The following NCR1 variants were observed in gnomAD, a reference collection of about 807,000 sequenced individuals.
The protein encoded by NCR1 is NK cell-activating receptor.
A neutral mutation model predicts 32.5 loss-of-function variants in NCR1; 30 were observed. That is an observed-to-expected ratio of 0.92 (90% CI 0.69 to 1.25). The LOEUF (loss-of-function observed/expected upper bound fraction) is 1.25, where lower values mean the gene tolerates loss of function less well. NCR1 is among the 50% of genes most tolerant of loss of function. The probability of loss-of-function intolerance (pLI) is 0.00; values close to 1 mark genes in which losing one functional copy is unlikely to be tolerated. For missense variants in NCR1, 369 were observed against 380.7 expected (o/e 0.97, Z 0.26); for synonymous variants, 169 against 143.4 (o/e 1.18, Z -1.28).
chr19:54,931,239 T>G, the NCR1 span, among the ~76,000 whole-genome samples: 1 of 152,002 alleles, frequency 6.6e-6, no homozygotes, highest in Admixed American at 6.6e-5. Flanking sequence ...CTGGCCAACA[T>G]GGTGAAACCC....
intron 5 of NCR1, 133 bp downstream of exon 5, chr19:54,910,198 A>T: frequency 1.2e-6 from 1 of 840,556 alleles, no homozygotes; most frequent in Non-Finnish European, 1.9e-6. Flanking sequence ...GCACTTTGGG[A>T]GGCCGAGATG....
At chr19:54,936,729 A>C in the NCR1 span, among the ~76,000 whole-genome samples, 1 of 152,170 alleles carries the variant, frequency 6.6e-6, no homozygotes, top group Non-Finnish European at 1.5e-5. Flanking sequence ...AGCCTGGCCA[A>C]CATGGGGAAG....
chr19:54,905,222 C>G (rs1000502368), upstream of NCR1, among the ~76,000 whole-genome samples: 4 of 152,206 alleles, frequency 2.6e-5, no homozygotes, highest in Non-Finnish European at 5.9e-5. Context: ...TAAGTGTCCC[C>G]TTTGCTCCAC....
chr19:54,906,380 C>G (rs751733407), intron 2 of NCR1, 46 bp downstream of exon 2: 2 of 1,608,540 alleles, frequency 1.2e-6, no homozygotes, highest in South Asian at 2.2e-5. Flanking sequence ...CGGATTCAGG[C>G]CAAGCTCCTT....
At chr19:54,917,581 A>C (rs148133947), downstream of NCR1, among the ~76,000 whole-genome samples, 23 of 152,230 alleles carry the variant, frequency 1.5e-4, no homozygotes, top group African/African-American at 5.3e-4. Flanking sequence ...TTGGCCTCCC[A>C]AAGTGCGAGG....
At chr19:54,907,636 G>C (rs1269416210) in intron 3 of NCR1, among the ~76,000 whole-genome samples, 2 of 151,898 alleles carry the variant, frequency 1.3e-5, no homozygotes, top group African/African-American at 4.8e-5. Flanking sequence ...GTGCTAGGAA[G>C]GCTATGATGT....
At chr19:54,902,619 C>T (rs2067319771), upstream of NCR1, among the ~76,000 whole-genome samples, 1 of 151,988 alleles carries the variant, frequency 6.6e-6, no homozygotes, top group African/African-American at 2.4e-5. Flanking sequence ...AAATTAAAAG[C>T]TCAAAATAAT....
At chr19:54,927,442 G>A in the NCR1 span, among the ~76,000 whole-genome samples, 1 of 151,738 alleles carries the variant, frequency 6.6e-6, no homozygotes, top group African/African-American at 2.4e-5. Flanking sequence ...TCTAGGCCCA[G>A]CTACTCATGA....
the NCR1 span, among the ~76,000 whole-genome samples, chr19:54,933,319 G>A: frequency 6.6e-6 from 1 of 151,836 alleles, no homozygotes; most frequent in East Asian, 1.9e-4. Flanking sequence ...CTAATTTTTG[G>A]TATTTTTAGT....
At position 54,912,997 on chromosome 19, in the gene NCR1, T is replaced by C. The variant is rs1380587175; in HGVS notation, c.*126T>C. On this transcript the variant is annotated 3_prime_UTR_variant, in exon 7 of 7. Coordinates refer to ENST00000291890, the MANE Select transcript of NCR1 (RefSeq NM_004829.7). ...TGCAGGGAAAGAGGGACACTGGCAT[T>C]CCATTTGTCAGAGCATCCCGGACGA... is the stretch of plus-strand genomic sequence containing the variant. 11 of 859,538 alleles carry C rather than the reference T, an allele frequency of 1.3e-5. No homozygotes were observed. Among genetic ancestry groups the C allele is most frequent in the Non-Finnish European group, 1.8e-6 (1 of 569,134 alleles). The allele number at this position is 859,538 out of a possible 1,614,324, so 53.2% of individuals were successfully genotyped here. A position where few individuals can be genotyped will look rare whatever the true frequency, so the allele number is the denominator to read the frequency against.
chr19:54,936,574 C>T, the NCR1 span: 1 of 750,558 alleles, frequency 1.3e-6, no homozygotes. Flanking sequence ...GTAACCCCAG[C>T]ACTTTGGGAG....
upstream of NCR1, among the ~76,000 whole-genome samples, chr19:54,905,031 G>A (rs1712736184): frequency 6.6e-6 from 1 of 152,170 alleles, no homozygotes; most frequent in Admixed American, 6.6e-5. Context: ...TGTGAATCCT[G>A]CTGCAATGAA....
downstream of NCR1, among the ~76,000 whole-genome samples, chr19:54,919,221 A>G (rs989473733): frequency 2.0e-4 from 30 of 150,060 alleles, no homozygotes; most frequent in African/African-American, 6.8e-4. Context: ...CACAAGACAA[A>G]GAGACAAGAG....
the NCR1 span, among the ~76,000 whole-genome samples, chr19:54,922,527 C>T: frequency 2.6e-5 from 4 of 151,826 alleles, no homozygotes; most frequent in Non-Finnish European, 5.9e-5. Context: ...CCTGTAATCC[C>T]ACCACTCTGG....
At chr19:54,910,707 AC>A (rs1306127939) in intron 5 of NCR1, among the ~76,000 whole-genome samples, 3 of 152,202 alleles carry the variant, frequency 2.0e-5, no homozygotes, top group Non-Finnish European at 4.4e-5. Context: ...GAGGAGACAC[AC>A]CATCGGTCAA....
chr19:54,899,027 C>T, the NCR1 span, among the ~76,000 whole-genome samples: 28 of 152,050 alleles, frequency 1.8e-4, no homozygotes, highest in African/African-American at 5.8e-4. Context: ...AAAGACTCAG[C>T]GATGCTTGGG....
At chr19:54,904,882 A>G (rs1228961250), upstream of NCR1, among the ~76,000 whole-genome samples, 1 of 152,146 alleles carries the variant, frequency 6.6e-6, no homozygotes, top group African/African-American at 2.4e-5. Flanking sequence ...AATGGCCTCT[A>G]GCTGCATCCA....
the NCR1 span, among the ~76,000 whole-genome samples, chr19:54,925,453 A>G: frequency 6.6e-6 from 1 of 152,186 alleles, no homozygotes; most frequent in Non-Finnish European, 1.5e-5. Flanking sequence ...ATAATGCAAC[A>G]CTGGGCATCA....
intron 6 of NCR1, 62 bp from the exon 7 acceptor site, chr19:54,912,628 A>G (rs1364270214): frequency 4.4e-6 from 2 of 453,460 alleles, no homozygotes; most frequent in Admixed American, 4.8e-5. Flanking sequence ...AAAAAAAAAA[A>G]AAAAAAAAAA....
Sources: gnomAD v4.1 joint callset for allele counts (sites outside exome capture counted in the v4.1 genomes callset) on GRCh38, gnomAD v4.1.1 for gene constraint, MANE v1.5 for transcripts, NCBI Gene and HGNC (gene_info 2026-07-23, HGNC 2026-07-21) for gene names.